The following GRID1 variants were observed in gnomAD, a reference collection of about 807,000 sequenced individuals.
GRID1 encodes glutamate ionotropic receptor delta type subunit 1, also known as glutamate receptor ionotropic, delta-1.
A neutral mutation model predicts 98.0 loss-of-function variants in GRID1; 28 were observed. The observed-to-expected ratio is 0.29, with a 90% CI of 0.21 to 0.39. The LOEUF (loss-of-function observed/expected upper bound fraction) is 0.39, where lower values mean the gene tolerates loss of function less well. Among genes scored for constraint, GRID1 ranks in the 10% least tolerant of loss-of-function variants. GRID1 has a pLI of 1.00. For missense variants in GRID1, 1,111 were observed against 1,340.5 expected, an observed-to-expected ratio of 0.83 and a Z score of 2.67; for synonymous variants, 553 against 538.5, an observed-to-expected ratio of 1.03 and a Z score of -0.37.
chr10:85,868,593 TA>T (rs1242411372), intron 6 of GRID1, among the ~76,000 whole-genome samples: 29 of 152,280 alleles, frequency 1.9e-4, no homozygotes, highest in African/African-American at 6.7e-4. Context: ...TGTGCTGGGA[TA>T]GTCCCATCTT....
chr10:86,037,906 C>T (rs1378789103), intron 4 of GRID1, among the ~76,000 whole-genome samples: 2 of 151,884 alleles, frequency 1.3e-5, no homozygotes, highest in Admixed American at 1.3e-4. Flanking sequence ...GCCTAATCCT[C>T]AGTACTTTGG....
In GRID1 at chr10:85,869,029, C is replaced by G; in HGVS notation, c.932G>C (p.Gly311Ala). Residue 311 changes from glycine (G) to alanine (A), a missense_variant, in exon 6 of 16, where the codon GGC becomes GCC. Coordinates refer to ENST00000327946, the MANE Select transcript of GRID1 (RefSeq NM_017551.3). ...ACTGACCTGCAGCATCTGGAGGTAG[C>G]CTTCCTGGGGGTCGCAGAGCAGGGA... ...ISSLLCDPQEGYLQMLQISNL... is the reference protein window; with the variant it reads ...ISSLLCDPQEAYLQMLQISNL... 1 of 1,613,824 alleles carries G rather than the reference C, an allele frequency of 6.2e-7. No individual in the cohort carries two copies. Among genetic ancestry groups the G allele is most frequent in the Non-Finnish European group, 8.5e-7 (1 of 1,179,932 alleles).
At chr10:86,262,901 C>T (rs1847039349) in intron 2 of GRID1, among the ~76,000 whole-genome samples, 1 of 152,190 alleles carries the variant, frequency 6.6e-6, no homozygotes, top group East Asian at 1.9e-4. Context: ...GCAGGAAGCT[C>T]CCTGCGCGGC....
At chr10:85,694,594 AT>A (rs1564562167) in intron 12 of GRID1, among the ~76,000 whole-genome samples, 26 of 105,366 alleles carry the variant, frequency 2.5e-4, no homozygotes, top group African/African-American at 4.2e-4. Flanking sequence ...ATATATATAT[AT>A]ATATATAATG....
chr10:86,264,410 T>C (rs1209786980), intron 2 of GRID1, among the ~76,000 whole-genome samples: 1 of 152,190 alleles, frequency 6.6e-6, no homozygotes, highest in African/African-American at 2.4e-5. Context: ...GGCTGGAGAC[T>C]ACCCCAGAGG....
intron 4 of GRID1, among the ~76,000 whole-genome samples, chr10:86,091,522 G>A (rs545119849): frequency 1.9e-3 from 270 of 143,644 alleles, no homozygotes; most frequent in Middle Eastern, 7.1e-3. Context: ...GCCTAGCCCC[G>A]CCCCCACCTG....
chr10:85,622,169 C>G (rs1488606230), intron 13 of GRID1, among the ~76,000 whole-genome samples: 1 of 152,052 alleles, frequency 6.6e-6, no homozygotes, highest in African/African-American at 2.4e-5. Context: ...AGTTTGGGCT[C>G]AGGGACAGGT....
chr10:85,783,673 C>A (rs994162866), intron 8 of GRID1, among the ~76,000 whole-genome samples: 10 of 152,202 alleles, frequency 6.6e-5, no homozygotes, highest in Non-Finnish European at 1.3e-4. Context: ...AGGATTACCA[C>A]TGGTGGGAAC....
intron 12 of GRID1, among the ~76,000 whole-genome samples, chr10:85,676,915 A>G (rs1395026015): frequency 6.6e-6 from 1 of 152,230 alleles, no homozygotes; most frequent in Non-Finnish European, 1.5e-5. Flanking sequence ...AGGCAGAGCT[A>G]GCAGAACCAT....
At chr10:86,363,409 A>C (rs1564749433) in intron 2 of GRID1, among the ~76,000 whole-genome samples, 2 of 152,150 alleles carry the variant, frequency 1.3e-5, no homozygotes, top group Non-Finnish European at 2.9e-5. Context: ...CGCTGCAGAG[A>C]AGCGCCGGGC....
intron 8 of GRID1, among the ~76,000 whole-genome samples, chr10:85,795,175 AATC>A (rs1045007092): frequency 6.6e-6 from 1 of 152,190 alleles, no homozygotes; most frequent in Admixed American, 6.5e-5. Context: ...CGCCACTCTG[AATC>A]ACCACAGAAG....
Position 85,599,802 on chromosome 10 carries a change from A to AAATATATATATATATAT in GRID1, c.*2470_*2471insATATATATATATATATT. 8.9e-4 allele frequency: 58 copies of AAATATATATATATATAT among 64,970 alleles called. No individual in the cohort carries two copies. The highest frequency in any genetic ancestry group is 3.4e-3 in the African/African-American group (36 of 10,726). The allele number at this position is 64,970 out of a possible 1,614,324, so 4.0% of individuals were successfully genotyped here. ...GTAGAAAATTCTAAAAAAAAAAAAA[A>AAATATATATATATATAT]ATATATATATATATATATAAACATG... On this transcript the variant is annotated 3_prime_UTR_variant, in exon 16 of 16. Coordinates refer to ENST00000327946, the MANE Select transcript of GRID1 (RefSeq NM_017551.3).
intron 5 of GRID1, among the ~76,000 whole-genome samples, chr10:85,904,025 T>TA (rs1841425524): frequency 3.9e-5 from 6 of 152,248 alleles, no homozygotes; most frequent in African/African-American, 1.2e-4. Context: ...CCTTACATGA[T>TA]TGTATTACTC....
chr10:85,833,524 CAA>C (rs113962227), intron 8 of GRID1, among the ~76,000 whole-genome samples: 65 of 103,810 alleles, frequency 6.3e-4, no homozygotes, highest in Admixed American at 9.0e-4. Flanking sequence ...TAACTCCCAA[CAA>C]AAAAAAAAAA....
chr10:86,069,789 G>A (rs1184923649), intron 4 of GRID1, among the ~76,000 whole-genome samples: 2 of 152,180 alleles, frequency 1.3e-5, no homozygotes, highest in African/African-American at 4.8e-5. Flanking sequence ...TCCAGCCAGC[G>A]TCTTCATTTC....
chr10:85,694,351 A>C (rs1841365198), intron 12 of GRID1, among the ~76,000 whole-genome samples: 1 of 151,934 alleles, frequency 6.6e-6, no homozygotes, highest in African/African-American at 2.4e-5. Flanking sequence ...TACAACATCT[A>C]TGGAAAACTG....
intron 8 of GRID1, among the ~76,000 whole-genome samples, chr10:85,823,402 T>G (rs1241560670): frequency 2.6e-5 from 4 of 151,932 alleles, no homozygotes; most frequent in Non-Finnish European, 4.4e-5. Context: ...ATTTGAGAAA[T>G]AATTAGAATC....
chr10:86,359,183 G>A (rs1025549270), intron 2 of GRID1, among the ~76,000 whole-genome samples: 2 of 152,232 alleles, frequency 1.3e-5, no homozygotes, highest in Non-Finnish European at 2.9e-5. Context: ...ATGGGAATAA[G>A]GGGTCTACAG....
At chr10:86,224,965 G>A (rs1846316955) in intron 2 of GRID1, among the ~76,000 whole-genome samples, 1 of 152,200 alleles carries the variant, frequency 6.6e-6, no homozygotes, top group South Asian at 2.1e-4. Context: ...ACCGTGTTGA[G>A]GCCACTTCAG....
Sources: allele counts gnomAD v4.1 joint callset (sites outside exome capture counted in the v4.1 genomes callset), GRCh38; gene constraint gnomAD v4.1.1; transcripts MANE v1.5; gene names NCBI Gene and HGNC (gene_info 2026-07-23, HGNC 2026-07-21).